Variants in CCDC171 observed in about 807,000 individuals in gnomAD.
CCDC171 encodes the protein coiled-coil domain containing 171.
Under a neutral mutation model 168.2 loss-of-function variants are expected in CCDC171, and 177 were observed. The ratio of observed to expected loss-of-function variants is 1.05; its 90% CI spans 0.93 to 1.19. The LOEUF (loss-of-function observed/expected upper bound fraction) is 1.19, where lower values mean the gene tolerates loss of function less well. Ranked by LOEUF, CCDC171 falls within the 50% of genes most tolerant of loss-of-function variation. The pLI, the probability that CCDC171 is intolerant of heterozygous loss-of-function variation, is 0.00. For synonymous variants in CCDC171, 687 were observed against 540.8 expected (o/e 1.27, Z -3.75); for missense variants, 1,991 against 1,539.0 (o/e 1.29, Z -4.91).
chr9:15,675,676 T>C (rs2049494950), intron 9 of CCDC171, among the ~76,000 whole-genome samples: 1 of 152,192 alleles, frequency 6.6e-6, no homozygotes, highest in African/African-American at 2.4e-5. Flanking sequence ...AAAATTCTTT[T>C]CTTTAAGAAT....
At chr9:15,560,988 G>A (rs200680407) in intron 1 of CCDC171, among the ~76,000 whole-genome samples, 1 of 152,126 alleles carries the variant, frequency 6.6e-6, no homozygotes, top group African/African-American at 2.4e-5. Flanking sequence ...TGCTGGAGGT[G>A]CACTTCAGAC....
intron 4 of CCDC171, 46 bp from the exon 5 acceptor site, chr9:15,591,320 A>G (rs2041992657): frequency 8.0e-7 from 1 of 1,246,498 alleles, no homozygotes; most frequent in Non-Finnish European, 1.1e-6. Context: ...GCTCCTTGTT[A>G]TTTAATTCAT....
chr9:15,566,718 C>A (rs993262833), intron 2 of CCDC171, among the ~76,000 whole-genome samples: 2 of 152,036 alleles, frequency 1.3e-5, no homozygotes, highest in Non-Finnish European at 1.5e-5. Flanking sequence ...AGGAGTTGTG[C>A]TTTTGGTTTT....
intron 1 of CCDC171, among the ~76,000 whole-genome samples, chr9:16,055,267 C>T (rs929926325): frequency 4.6e-5 from 7 of 151,700 alleles, no homozygotes; most frequent in African/African-American, 1.7e-4. Context: ...TCTGAGATGC[C>T]CAGAGATGTT....
intron 6 of CCDC171, among the ~76,000 whole-genome samples, chr9:15,610,345 G>A (rs1173029639): frequency 6.8e-6 from 1 of 146,878 alleles, no homozygotes; most frequent in Non-Finnish European, 1.5e-5. Flanking sequence ...GATGGCTCAT[G>A]CCTGTAATCC....
the CCDC171 span, among the ~76,000 whole-genome samples, chr9:16,075,889 A>G: frequency 3.3e-5 from 5 of 152,354 alleles, 1 homozygote; most frequent in Non-Finnish European, 7.4e-5. Context: ...ATAGCATAGC[A>G]TAGCATAGCA....
chr9:16,037,202 C>T (rs766637226), intron 8 of CCDC171, among the ~76,000 whole-genome samples: 1 of 151,950 alleles, frequency 6.6e-6, no homozygotes, highest in Admixed American at 6.6e-5. Context: ...TTCTATTTAC[C>T]CTGAATTGAT....
chr9:15,643,440 T>C (rs955400357), intron 7 of CCDC171, among the ~76,000 whole-genome samples: 3 of 152,182 alleles, frequency 2.0e-5, no homozygotes, highest in Non-Finnish European at 4.4e-5. Flanking sequence ...TGGGGGACCC[T>C]TGTTCTAAGG....
At position 15,727,908 on chromosome 9, in the gene CCDC171, G is replaced by T. The variant is rs754468291; in HGVS notation, c.1732G>T (p.Val578Leu). The T allele has an allele frequency of 4.3e-6, 7 of 1,612,678 alleles. No homozygotes were observed. In the East Asian group the frequency reaches 1.3e-4, roughly 31 times the overall value. Reference protein sequence around the residue: ...TFLHTLYQHLVAGCVLIKQPE... With the variant: ...TFLHTLYQHLLAGCVLIKQPE... ...CCTTCACACCTTATATCAGCACTTG[G>T]TAGCAGGCTGTGTGCTCATAAAACA... Residue 578 changes from valine (V) to leucine (L), a missense_variant, in exon 15 of 26, where the codon GTA (valine) becomes TTA (leucine). Coordinates refer to ENST00000380701, the MANE Select transcript of CCDC171 (RefSeq NM_173550.4).
At chr9:15,934,805 G>A (rs79561090) in intron 25 of CCDC171, among the ~76,000 whole-genome samples, 87 of 152,056 alleles carry the variant, frequency 5.7e-4, no homozygotes, top group African/African-American at 1.9e-3. Context: ...AACCATGGAC[G>A]AATAATAAAA....
At chr9:15,558,865 C>A (rs1279094263) in intron 1 of CCDC171, among the ~76,000 whole-genome samples, 2 of 152,086 alleles carry the variant, frequency 1.3e-5, no homozygotes, top group African/African-American at 4.8e-5. Flanking sequence ...CTCTTGTGGG[C>A]ATTTAGTGCT....
intron 21 of CCDC171, among the ~76,000 whole-genome samples, chr9:15,842,276 G>A (rs987783837): frequency 3.9e-5 from 6 of 152,006 alleles, no homozygotes; most frequent in African/African-American, 1.4e-4. Context: ...TCTTCTTAGC[G>A]GCCTAATGGT....
At chr9:15,619,038 C>T (rs2044310594) in intron 6 of CCDC171, among the ~76,000 whole-genome samples, 1 of 152,112 alleles carries the variant, frequency 6.6e-6, no homozygotes, top group African/African-American at 2.4e-5. Context: ...ACCATGCCTG[C>T]ATAAGGTGAT....
intron 4 of CCDC171, among the ~76,000 whole-genome samples, chr9:15,582,281 G>C (rs551567530): frequency 1.6e-4 from 25 of 152,334 alleles, no homozygotes; most frequent in Non-Finnish European, 2.9e-4. Context: ...GGAAACAACA[G>C]ATGCTGGAGA....
chr9:16,103,319 G>A, the CCDC171 span, among the ~76,000 whole-genome samples: 82 of 152,322 alleles, frequency 5.4e-4, 1 homozygote, highest in African/African-American at 1.9e-3. Context: ...TGGGAGCAGG[G>A]AGATCTGGGT....
intron 6 of CCDC171, among the ~76,000 whole-genome samples, chr9:16,030,375 TTTAG>T (rs1228423218): frequency 6.6e-6 from 1 of 152,202 alleles, no homozygotes; most frequent in Non-Finnish European, 1.5e-5. Flanking sequence ...CAGATTCATA[TTTAG>T]TTATGTACAT....
chr9:15,643,130 T>A (rs1051221574), intron 7 of CCDC171, among the ~76,000 whole-genome samples: 1 of 152,152 alleles, frequency 6.6e-6, no homozygotes, highest in East Asian at 1.9e-4. Flanking sequence ...GAGTAAGTTC[T>A]TTAGTTGTGG....
intron 1 of CCDC171, among the ~76,000 whole-genome samples, chr9:16,056,325 C>G (rs1833839701): frequency 6.6e-6 from 1 of 152,160 alleles, no homozygotes; most frequent in Non-Finnish European, 1.5e-5. Context: ...AATCCATAGC[C>G]ACTAGCCACA....
chr9:15,655,872 C>A (rs933957160), intron 7 of CCDC171, among the ~76,000 whole-genome samples: 1 of 152,152 alleles, frequency 6.6e-6, no homozygotes, highest in Admixed American at 6.6e-5. Flanking sequence ...CCACTACATG[C>A]CTATTTGATT....
Sources: allele counts gnomAD v4.1 joint callset (sites outside exome capture counted in the v4.1 genomes callset), GRCh38; gene constraint gnomAD v4.1.1; transcripts MANE v1.5; gene names NCBI Gene and HGNC (gene_info 2026-07-23, HGNC 2026-07-21).